The following GAS2L3 variants were observed in gnomAD, a reference collection of about 807,000 sequenced individuals.
GAS2L3 encodes GAS2-like protein 3.
Under a neutral mutation model 37.0 loss-of-function variants are expected in GAS2L3, and 28 were observed. The ratio of observed to expected loss-of-function variants is 0.76; its 90% CI spans 0.56 to 1.04. GAS2L3 has a LOEUF of 1.04. Among genes scored for constraint, GAS2L3 ranks in the 50% least tolerant of loss-of-function variants. The pLI is 0.00. For missense variants in GAS2L3, 793 were observed against 817.6 expected (o/e 0.97, Z 0.37); for synonymous variants, 290 against 296.6 (o/e 0.98, Z 0.23).
In GAS2L3 at chr12:100,623,457, C is replaced by T. The variant is rs1053531043; in HGVS notation, c.757-105C>T. The T allele has an allele frequency of 3.9e-6, 4 of 1,020,678 alleles. No homozygotes were observed. The African/African-American group carries it at 6.4e-5, about 16-fold the overall frequency. 63.2% of individuals were successfully genotyped at this position (1,020,678 alleles called of 1,614,324 possible). A position where few individuals can be genotyped will look rare whatever the true frequency, so the allele number is the denominator to read the frequency against. Reference sequence around the variant, plus strand: ...TGTAGTGAGGCTGTTGGCAAATGCTCTGAATTTTATAGATCACAGACATCA... The same window carrying T: ...TGTAGTGAGGCTGTTGGCAAATGCTTTGAATTTTATAGATCACAGACATCA... On this transcript the variant is annotated intron_variant, in intron 9 of 9. Transcript: ENST00000547754.
At chr12:100,613,442 A>G (rs1956150096) in intron 6 of GAS2L3, among the ~76,000 whole-genome samples, 1 of 152,222 alleles carries the variant, frequency 6.6e-6, no homozygotes, top group Admixed American at 6.5e-5. Flanking sequence ...AGATATTTAG[A>G]AAAACAAATC....
At chr12:100,609,787 A>T (rs1390966971) in intron 5 of GAS2L3, among the ~76,000 whole-genome samples, 1 of 152,200 alleles carries the variant, frequency 6.6e-6, no homozygotes, top group African/African-American at 2.4e-5. Flanking sequence ...ATGGGCAGAC[A>T]TCAGCTACTA....
intron 6 of GAS2L3, 80 bp downstream of exon 6, chr12:100,612,221 A>C (rs1321124510): frequency 8.5e-7 from 1 of 1,169,662 alleles, no homozygotes; most frequent in Non-Finnish European, 1.3e-6. Flanking sequence ...TTTTCTTTCC[A>C]AATAAGGACT....
chr12:100,603,256 C>G (rs1956015016), intron 5 of GAS2L3, among the ~76,000 whole-genome samples: 1 of 152,102 alleles, frequency 6.6e-6, no homozygotes, highest in South Asian at 2.1e-4. Context: ...TATATTACCA[C>G]CAGCAGTGTA....
intron 8 of GAS2L3, among the ~76,000 whole-genome samples, chr12:100,621,783 C>T (rs956233793): frequency 6.8e-5 from 10 of 147,754 alleles, no homozygotes; most frequent in East Asian, 6.0e-4. Flanking sequence ...AGCTTAATAA[C>T]GAACTCATAT....
At position 100,624,169 on chromosome 12, in the gene GAS2L3, T is replaced by C; in HGVS notation, c.1364T>C (p.Leu455Pro). 2 of 1,613,290 alleles carry C rather than the reference T, an allele frequency of 1.2e-6. No homozygotes were observed. The highest frequency in any genetic ancestry group is 1.7e-6 in the Non-Finnish European group (2 of 1,179,854). The change falls in exon 10 of 10, where the codon CTG becomes CCG. Residue 455 changes from leucine to proline, a missense_variant. Physicochemically the swap from Leu to Pro is moderately conservative, Grantham distance 98. Coordinates refer to ENST00000547754, the MANE Select transcript of GAS2L3 (RefSeq NM_174942.3). ...ATTCCAGCCCAGAATTCAGCAGATCTGCCCGAGTCCACACTTTTGCCAAAT... is the reference window on the plus strand; with the variant it reads ...ATTCCAGCCCAGAATTCAGCAGATCCGCCCGAGTCCACACTTTTGCCAAAT... ...KVIPAQNSAD[L>P]PESTLLPNKC...
chr12:100,582,892 C>T (rs1955731376), intron 1 of GAS2L3, among the ~76,000 whole-genome samples: 1 of 152,180 alleles, frequency 6.6e-6, no homozygotes, highest in South Asian at 2.1e-4. Context: ...TATTCCTTGG[C>T]TCCCTCCTCC....
In GAS2L3 at chr12:100,626,429, A is replaced by G. The variant is rs1040265488; in HGVS notation, c.*1539A>G. On this transcript the variant is annotated 3_prime_UTR_variant, in exon 10 of 10. Transcript: ENST00000547754. Reference sequence around the variant, plus strand: ...TCTCTTCTTTAAAGAGACAGTCACCAAATACTTGGTTTAACTCGACTATTG... The same window carrying G: ...TCTCTTCTTTAAAGAGACAGTCACCGAATACTTGGTTTAACTCGACTATTG... 6.6e-6 allele frequency: 1 copy of G among 152,230 alleles called. No individual in the cohort carries two copies. Among genetic ancestry groups the G allele is most frequent in the Non-Finnish European group, 1.5e-5 (1 of 68,036 alleles). 9.4% of individuals were successfully genotyped at this position (152,230 alleles called of 1,614,324 possible). A position where few individuals can be genotyped will look rare whatever the true frequency, so the allele number is the denominator to read the frequency against.
At chr12:100,577,503 A>C (rs1326725275) in intron 1 of GAS2L3, among the ~76,000 whole-genome samples, 1 of 152,196 alleles carries the variant, frequency 6.6e-6, no homozygotes, top group African/African-American at 2.4e-5. Context: ...AAAGATTCTC[A>C]ACAAAGTCTC....
chr12:100,593,285 A>AT (rs1255188997), intron 2 of GAS2L3, among the ~76,000 whole-genome samples: 1 of 152,072 alleles, frequency 6.6e-6, no homozygotes, highest in African/African-American at 2.4e-5. Flanking sequence ...TCTGCATACT[A>AT]TTTTTTAAAG....
At chr12:100,579,730 G>T (rs1955686019) in intron 1 of GAS2L3, 7 of 747,488 alleles carry the variant, frequency 9.4e-6, no homozygotes, top group South Asian at 4.4e-5. Flanking sequence ...CAGGTTGTAA[G>T]TACCAGGGTT....
chr12:100,580,927 T>C (rs11110425), intron 1 of GAS2L3, among the ~76,000 whole-genome samples: 1,676 of 152,328 alleles, frequency 0.011, 43 homozygotes, highest in African/African-American at 0.038. Flanking sequence ...TGCCAGTTAA[T>C]GCCAGGAAAA....
At chr12:100,615,111 T>C (rs1364931650) in intron 6 of GAS2L3, among the ~76,000 whole-genome samples, 1 of 152,222 alleles carries the variant, frequency 6.6e-6, no homozygotes, top group Admixed American at 6.5e-5. Flanking sequence ...TGCACCATTT[T>C]ACATTTCTGC....
rs114347417 is a variant in GAS2L3, at chr12:100,598,641, A to G, written c.19-1741A>G. Among the ~76,000 whole-genome samples, 291 of 152,240 alleles carry G rather than the reference A, an allele frequency of 1.9e-3. 2 individuals carry two copies. The highest frequency in any genetic ancestry group is 6.9e-3 in the African/African-American group (285 of 41,546). ...TTAAAATTTCAGTGTATTCATTTAT[A>G]TCTGTGTTAACTCATAGTTTCCTAT... On this transcript the variant is annotated intron_variant, in intron 3 of 9. Transcript: ENST00000547754.
chr12:100,623,810 G>A lies in GAS2L3; in HGVS notation c.1005G>A (p.Val335=). ...MFQKQNSKPS[V]PVSIPKSKEK... ...AGAAACAAAATTCAAAACCCAGCGT[G>A]CCAGTTAGTATTCCAAAAAGCAAAG... The change falls in exon 10 of 10, where the codon GTG becomes GTA. Residue 335 remains valine (V), a synonymous_variant. Coordinates refer to ENST00000547754, the MANE Select transcript of GAS2L3 (RefSeq NM_174942.3). 1 of 1,614,020 alleles carries A rather than the reference G, an allele frequency of 6.2e-7. No homozygotes were observed. Among genetic ancestry groups the A allele is most frequent in the Non-Finnish European group, 8.5e-7 (1 of 1,179,982 alleles).
intron 5 of GAS2L3, among the ~76,000 whole-genome samples, chr12:100,604,527 C>T (rs1014311033): frequency 7.7e-5 from 10 of 129,434 alleles, no homozygotes; most frequent in Non-Finnish European, 1.6e-4. Context: ...ACTATAAGAT[C>T]GTATCATCTG....
At chr12:100,574,653 T>C (rs1259557174) in intron 1 of GAS2L3, among the ~76,000 whole-genome samples, 1 of 152,160 alleles carries the variant, frequency 6.6e-6, no homozygotes, top group Non-Finnish European at 1.5e-5. Flanking sequence ...AAAGAGATGA[T>C]TTTAGGTCAG....
chr12:100,578,139 A>G (rs112021012), intron 1 of GAS2L3, among the ~76,000 whole-genome samples: 4 of 152,210 alleles, frequency 2.6e-5, no homozygotes, highest in Admixed American at 6.5e-5. Context: ...GTTTCAGTAA[A>G]CCTGGAGAAG....
chr12:100,615,176 G>C (rs1259079500), intron 6 of GAS2L3, among the ~76,000 whole-genome samples: 4 of 152,032 alleles, frequency 2.6e-5, no homozygotes, highest in Admixed American at 2.6e-4. Context: ...TTATTTGCCT[G>C]TTTTTGTTTT....
Sources: gnomAD v4.1 joint callset for allele counts (sites outside exome capture counted in the v4.1 genomes callset) on GRCh38, gnomAD v4.1.1 for gene constraint, MANE v1.5 for transcripts, NCBI Gene and HGNC (gene_info 2026-07-23, HGNC 2026-07-21) for gene names.